DCLK2: variants seen among roughly 807,000 people sequenced by gnomAD.
DCLK2 encodes the protein doublecortin like kinase 2, also known as serine/threonine-protein kinase DCLK2.
Under a neutral mutation model 78.4 loss-of-function variants are expected in DCLK2, and 31 were observed. That is an observed-to-expected ratio of 0.40 (90% CI 0.30 to 0.53). The LOEUF (loss-of-function observed/expected upper bound fraction) is 0.53, where lower values mean the gene tolerates loss of function less well. Ranked by LOEUF, DCLK2 falls within the 20% of genes least tolerant of loss-of-function variation. The probability of loss-of-function intolerance (pLI) is 0.61; values close to 1 mark genes in which losing one functional copy is unlikely to be tolerated. For missense variants in DCLK2, 872 were observed against 973.7 expected, an observed-to-expected ratio of 0.90 and a Z score of 1.39; for synonymous variants, 407 against 374.9, an observed-to-expected ratio of 1.09 and a Z score of -0.99.
At chr4:150,244,594 A>G (rs982282758) in intron 12 of DCLK2, among the ~76,000 whole-genome samples, 3 of 152,228 alleles carry the variant, frequency 2.0e-5, no homozygotes, top group Non-Finnish European at 4.4e-5. Context: ...TCCAAAGGCT[A>G]TATTGTTTTA....
At chr4:150,089,270 A>G (rs1274436396) in intron 1 of DCLK2, among the ~76,000 whole-genome samples, 7 of 152,296 alleles carry the variant, frequency 4.6e-5, no homozygotes, top group Admixed American at 2.0e-4. Context: ...CTTGCTTAAA[A>G]CTGAGGGCTA....
At chr4:150,221,876 A>T in intron 7 of DCLK2, 91 bp downstream of exon 7, 1 of 864,856 alleles carries the variant, frequency 1.2e-6, no homozygotes. Context: ...CTTGGAGTTT[A>T]TTCTTAATTT....
At chr4:150,091,408 C>G (rs1358962763) in intron 1 of DCLK2, among the ~76,000 whole-genome samples, 1 of 152,058 alleles carries the variant, frequency 6.6e-6, no homozygotes, top group Non-Finnish European at 1.5e-5. Context: ...CTTCCTTTTT[C>G]TGTGTTACCA....
chr4:150,103,833 A>G (rs1002486052), intron 2 of DCLK2, among the ~76,000 whole-genome samples: 1 of 151,970 alleles, frequency 6.6e-6, no homozygotes, highest in Non-Finnish European at 1.5e-5. Flanking sequence ...ATTATGGTAA[A>G]ATTAGAATAA....
chr4:150,235,751 A>G (rs1164201839), intron 10 of DCLK2, among the ~76,000 whole-genome samples: 1 of 152,226 alleles, frequency 6.6e-6, no homozygotes, highest in Non-Finnish European at 1.5e-5. Context: ...AGATACTAAA[A>G]GTAAATACCC....
intron 9 of DCLK2, 32 bp downstream of exon 9, chr4:150,232,488 A>G: frequency 1.9e-6 from 3 of 1,608,448 alleles, no homozygotes; most frequent in Non-Finnish European, 2.5e-6. Context: ...CTTGGTGCCT[A>G]GTCCCACAAT....
chr4:150,079,494 A>G, intron 1 of DCLK2, 46 bp downstream of exon 1: 1 of 1,438,832 alleles, frequency 7.0e-7, no homozygotes, highest in Non-Finnish European at 9.2e-7. Context: ...GAGCGCCGGC[A>G]GGTGCAGTGG....
intron 5 of DCLK2, 126 bp from the exon 6 acceptor site, chr4:150,220,577 A>G (rs755293553): frequency 1.5e-5 from 10 of 682,220 alleles, no homozygotes; most frequent in Admixed American, 4.9e-5. Flanking sequence ...GATGAGAAGA[A>G]AGGGAACGCC....
At chr4:150,118,598 T>C (rs575578464) in intron 2 of DCLK2, among the ~76,000 whole-genome samples, 14 of 151,468 alleles carry the variant, frequency 9.2e-5, no homozygotes, top group African/African-American at 3.4e-4. Context: ...CTCAAGTACA[T>C]TTGCATTAGA....
intron 2 of DCLK2, among the ~76,000 whole-genome samples, chr4:150,186,284 G>A (rs550359243): frequency 5.9e-5 from 9 of 151,750 alleles, no homozygotes; most frequent in Admixed American, 3.9e-4. Context: ...TGTTCAACTC[G>A]TTTAAAAAAT....
chr4:150,086,124 G>A (rs1286974017), intron 1 of DCLK2, among the ~76,000 whole-genome samples: 1 of 152,130 alleles, frequency 6.6e-6, no homozygotes, highest in Non-Finnish European at 1.5e-5. Flanking sequence ...CAGGGGGTGG[G>A]ACCACAATTG....
intron 2 of DCLK2, among the ~76,000 whole-genome samples, chr4:150,172,158 A>G (rs1031498402): frequency 2.4e-4 from 36 of 152,316 alleles, no homozygotes; most frequent in African/African-American, 7.9e-4. Context: ...CACATGCTTG[A>G]AGACTTGGCT....
At position 150,159,278 on chromosome 4, in the gene DCLK2, C is replaced by G. The variant is rs554578946; in HGVS notation, c.757-33860C>G. 3.2e-4 allele frequency among the ~76,000 whole-genome samples: 48 copies of G among 152,290 alleles called. No individual in the cohort carries two copies. The Middle Eastern group carries it at 0.01, about 32-fold the overall frequency. ...AATCCTGGAGCTGCAGAAGAGAACT[C>G]TTCCTTCATGAATTCCACCAGCCCA... On this transcript the variant is annotated intron_variant, in intron 2 of 15. Transcript: ENST00000296550.
At chr4:150,196,066 T>C (rs1189101592) in intron 3 of DCLK2, among the ~76,000 whole-genome samples, 1 of 152,154 alleles carries the variant, frequency 6.6e-6, no homozygotes, top group African/African-American at 2.4e-5. Flanking sequence ...AGGCAAATTT[T>C]TTTTTAATCA....
rs149863530 is a variant in DCLK2, at chr4:150,099,101, A to T, written c.422-3377A>T. On this transcript the variant is annotated intron_variant, in intron 1 of 15. Coordinates refer to ENST00000296550, the MANE Select transcript of DCLK2 (RefSeq NM_001040260.4). ...TGAGAATGGAAGAAATGGGAGACCT[A>T]CAAGTTGGCAAGGGAGTCACGAATC... 2.6e-3 allele frequency among the ~76,000 whole-genome samples: 393 copies of T among 152,358 alleles called. 3 individuals carry two copies. The highest frequency in any genetic ancestry group is 8.9e-3 in the African/African-American group (370 of 41,582).
At chr4:150,197,669 C>T (rs910756193) in intron 3 of DCLK2, among the ~76,000 whole-genome samples, 1 of 152,040 alleles carries the variant, frequency 6.6e-6, no homozygotes, top group African/African-American at 2.4e-5. Flanking sequence ...GCAAGAGAAT[C>T]GCTTGAACCC....
At chr4:150,120,178 G>T (rs536365696) in intron 2 of DCLK2, among the ~76,000 whole-genome samples, 2 of 152,144 alleles carry the variant, frequency 1.3e-5, no homozygotes, top group Non-Finnish European at 2.9e-5. Context: ...ATGTATAACC[G>T]ATACAGGAAA....
At chr4:150,122,399 T>C (rs1475137239) in intron 2 of DCLK2, among the ~76,000 whole-genome samples, 2 of 152,172 alleles carry the variant, frequency 1.3e-5, no homozygotes, top group South Asian at 2.1e-4. Context: ...AATGCACATA[T>C]ACACCATGGA....
chr4:150,119,827 A>C (rs909112845), intron 2 of DCLK2, among the ~76,000 whole-genome samples: 1 of 152,126 alleles, frequency 6.6e-6, no homozygotes, highest in South Asian at 2.1e-4. Flanking sequence ...ATCTTGAACT[A>C]AAAGACCTAC....
Sources: allele counts gnomAD v4.1 joint callset (sites outside exome capture counted in the v4.1 genomes callset), GRCh38; gene constraint gnomAD v4.1.1; transcripts MANE v1.5; gene names NCBI Gene and HGNC (gene_info 2026-07-23, HGNC 2026-07-21).